ABTB3: variants seen among roughly 807,000 people sequenced by gnomAD.
ABTB3 encodes ankyrin repeat- and BTB/POZ domain-containing protein 3.
At chr12:107,533,256 G>T in the ABTB3 span, among the ~76,000 whole-genome samples, 107 of 152,152 alleles carry the variant, frequency 7.0e-4, 1 homozygote, top group Non-Finnish European at 1.5e-3. Context: ...AAAATGACAG[G>T]AATAAGTTTT....
the ABTB3 span, among the ~76,000 whole-genome samples, chr12:107,468,170 G>C: frequency 6.6e-6 from 1 of 152,158 alleles, no homozygotes; most frequent in Non-Finnish European, 1.5e-5. Flanking sequence ...AGAAGGCTGG[G>C]CAGCAGGGAA....
the ABTB3 span, among the ~76,000 whole-genome samples, chr12:107,540,710 G>T: frequency 6.6e-6 from 1 of 152,252 alleles, no homozygotes; most frequent in African/African-American, 2.4e-5. Flanking sequence ...GTGGCTGGGT[G>T]CTGTGGCTCA....
At chr12:107,448,201 T>C in the ABTB3 span, among the ~76,000 whole-genome samples, 1 of 152,230 alleles carries the variant, frequency 6.6e-6, no homozygotes, top group Non-Finnish European at 1.5e-5. Context: ...AAGATAGGAT[T>C]GCTTTGGTTT....
chr12:107,441,881 A>G, the ABTB3 span, among the ~76,000 whole-genome samples: 1 of 151,890 alleles, frequency 6.6e-6, no homozygotes, highest in Admixed American at 6.6e-5. Context: ...TTGAGGCTGC[A>G]GTGAGCCATG....
the ABTB3 span, chr12:107,543,946 T>C: frequency 1.2e-6 from 2 of 1,613,342 alleles, no homozygotes; most frequent in Admixed American, 1.7e-5. Context: ...TGACCTGGTG[T>C]CCCGTGCAAT....
the ABTB3 span, among the ~76,000 whole-genome samples, chr12:107,402,845 C>T: frequency 6.6e-6 from 1 of 152,174 alleles, no homozygotes; most frequent in Admixed American, 6.5e-5. Flanking sequence ...CTATGACTGG[C>T]CCAGTCAATT....
chr12:107,539,115 G>A, the ABTB3 span, among the ~76,000 whole-genome samples: 2 of 152,186 alleles, frequency 1.3e-5, no homozygotes. Flanking sequence ...CTCACCTTGT[G>A]TGGCTCTTAT....
chr12:107,556,326 C>T, the ABTB3 span, among the ~76,000 whole-genome samples: 1 of 152,046 alleles, frequency 6.6e-6, no homozygotes, highest in Non-Finnish European at 1.5e-5. Context: ...CAACTCCCAA[C>T]CTCAGGTGAT....
At chr12:107,480,247 A>T in the ABTB3 span, among the ~76,000 whole-genome samples, 1 of 152,192 alleles carries the variant, frequency 6.6e-6, no homozygotes, top group Non-Finnish European at 1.5e-5. Context: ...GAAGGCTAAA[A>T]TAGCACCTGA....
At chr12:107,434,513 C>T in the ABTB3 span, among the ~76,000 whole-genome samples, 1 of 152,284 alleles carries the variant, frequency 6.6e-6, no homozygotes, top group Non-Finnish European at 1.5e-5. Context: ...TGAAAGCAAA[C>T]CTAGGAGCTA....
chr12:107,590,621 G>A, the ABTB3 span, among the ~76,000 whole-genome samples: 4 of 152,170 alleles, frequency 2.6e-5, no homozygotes, highest in African/African-American at 4.8e-5. Context: ...GACTGCAGGC[G>A]GCAGACAGTT....
the ABTB3 span, among the ~76,000 whole-genome samples, chr12:107,521,717 C>A: frequency 6.6e-6 from 1 of 150,440 alleles, no homozygotes; most frequent in Non-Finnish European, 1.5e-5. Flanking sequence ...TCCACCCCAC[C>A]TCTGTCCCCT....
the ABTB3 span, among the ~76,000 whole-genome samples, chr12:107,623,642 C>G: frequency 6.6e-6 from 1 of 152,140 alleles, no homozygotes; most frequent in African/African-American, 2.4e-5. Flanking sequence ...GCTGGGATTA[C>G]AGGCATGAGC....
the ABTB3 span, among the ~76,000 whole-genome samples, chr12:107,628,537 A>G: frequency 6.6e-6 from 1 of 152,320 alleles, no homozygotes; most frequent in African/African-American, 2.4e-5. Flanking sequence ...TCTGAGACAC[A>G]GCTTTTTTCA....
At chr12:107,587,087 G>A in the ABTB3 span, among the ~76,000 whole-genome samples, 3 of 152,142 alleles carry the variant, frequency 2.0e-5, no homozygotes, top group Non-Finnish European at 4.4e-5. Context: ...GAGAGAGAGA[G>A]CATAGGGCTC....
At chr12:107,526,650 G>A in the ABTB3 span, among the ~76,000 whole-genome samples, 1 of 152,048 alleles carries the variant, frequency 6.6e-6, no homozygotes, top group African/African-American at 2.4e-5. Context: ...AAAAAAATGA[G>A]GACTTCTTCT....
chr12:107,418,163 T>G, the ABTB3 span, among the ~76,000 whole-genome samples: 1 of 152,212 alleles, frequency 6.6e-6, no homozygotes, highest in East Asian at 1.9e-4. Context: ...GAGCACCATC[T>G]AATCAGCTGC....
the ABTB3 span, chr12:107,543,784 C>A: frequency 1.5e-6 from 1 of 664,970 alleles, no homozygotes; most frequent in Non-Finnish European, 2.5e-6. Context: ...ATCCATTCCT[C>A]TCTGCTTGGT....
At chr12:107,438,736 T>C in the ABTB3 span, among the ~76,000 whole-genome samples, 8 of 152,136 alleles carry the variant, frequency 5.3e-5, no homozygotes, top group Non-Finnish European at 8.8e-5. Context: ...GTCCCCAAAG[T>C]TTGCGCTGAA....
Sources: allele counts gnomAD v4.1 joint callset (sites outside exome capture counted in the v4.1 genomes callset), GRCh38; gene constraint gnomAD v4.1.1; transcripts MANE v1.5; gene names NCBI Gene and HGNC (gene_info 2026-07-23, HGNC 2026-07-21).